The following RYR3 variants were observed in gnomAD, a reference collection of about 807,000 sequenced individuals.
The protein encoded by RYR3 is brain ryanodine receptor-calcium release channel.
In RYR3, 207 loss-of-function variants were observed where a neutral mutation model predicts 584.3. The ratio of observed to expected loss-of-function variants is 0.35; its 90% CI spans 0.32 to 0.40. RYR3 has a LOEUF of 0.40. RYR3 is among the 10% of genes least tolerant of loss of function. The pLI is 1.00. For missense variants in RYR3, 5,616 were observed against 6,089.2 expected (o/e 0.92, Z 2.59); for synonymous variants, 2,416 against 2,248.5 (o/e 1.07, Z -2.11).
Position 33,801,924 on chromosome 15 carries a change from C to T in RYR3, c.9974C>T (p.Ala3325Val). Residue 3325 changes from alanine (A) to valine (V), a missense_variant, in exon 69 of 104, where the codon GCA becomes GTA. By Grantham distance (64) the Ala-to-Val change is moderately conservative. Around this residue, in one of 9 missense-constraint regions of RYR3, gnomAD observed 954 missense variants for 1,132.2 expected, o/e 0.84. Transcript: ENST00000634891. Reference sequence around the variant, plus strand: ...ATTCAGAATGAAATTAATAATTTGGCATTTTTAACTGGAGACAGCAAAAGC... The same window carrying T: ...ATTCAGAATGAAATTAATAATTTGGTATTTTTAACTGGAGACAGCAAAAGC... ...FVIQNEINNL[A>V]FLTGDSKSKM... 2 of 1,591,046 alleles carry T rather than the reference C, an allele frequency of 1.3e-6. No individual in the cohort carries two copies. The highest frequency in any genetic ancestry group is 1.7e-6 in the Non-Finnish European group (2 of 1,166,602).
chr15:33,678,733 A>G (rs770456029), intron 38 of RYR3, among the ~76,000 whole-genome samples: 5 of 152,174 alleles, frequency 3.3e-5, no homozygotes, highest in Admixed American at 1.3e-4. Flanking sequence ...CCAGCCCTAT[A>G]CCATCACGCG....
At chr15:33,759,178 G>A (rs1202781567) in intron 60 of RYR3, among the ~76,000 whole-genome samples, 3 of 152,182 alleles carry the variant, frequency 2.0e-5, no homozygotes, top group Admixed American at 1.3e-4. Context: ...ATAAATCCAC[G>A]AAGATGGGGA....
Position 33,811,013 on chromosome 15 carries a change from G to C in RYR3, c.10233G>C (p.Arg3411=), listed in dbSNP as rs1362857721. Residue 3411 remains arginine, a synonymous_variant, in exon 72 of 104, where the codon CGG becomes CGC. Transcript: ENST00000634891. ...DTDEEVREHL[R]NNLHLQEKSD... is the part of the protein sequence containing the mutation. ...ATGAAGAGGTCAGAGAACATCTGCGGAACAACTTGCACTTGCAGGAAAAGG... is the reference window on the plus strand; with the variant it reads ...ATGAAGAGGTCAGAGAACATCTGCGCAACAACTTGCACTTGCAGGAAAAGG... 6.2e-7 allele frequency: 1 copy of C among 1,609,190 alleles called. No individual in the cohort carries two copies. Among genetic ancestry groups the C allele is most frequent in the African/African-American group, 1.3e-5 (1 of 74,826 alleles).
chr15:33,763,892 CAAAAAAAA>C (rs796878162), intron 60 of RYR3, among the ~76,000 whole-genome samples: 4 of 45,870 alleles, frequency 8.7e-5, no homozygotes, highest in African/African-American at 2.7e-4. Context: ...GACTTCATCT[CAAAAAAAA>C]AAAAAAAAAA....
intron 1 of RYR3, among the ~76,000 whole-genome samples, chr15:33,411,771 T>C (rs960069899): frequency 2.1e-4 from 32 of 152,178 alleles, no homozygotes; most frequent in African/African-American, 7.7e-4. Context: ...CATGGTCCTG[T>C]GCTGGTCTCC....
chr15:33,841,192 G>T (rs2078340732), intron 90 of RYR3, among the ~76,000 whole-genome samples: 1 of 151,884 alleles, frequency 6.6e-6, no homozygotes, highest in African/African-American at 2.4e-5. Context: ...ACTCCAAGCT[G>T]GGCAGCAGAG....
intron 60 of RYR3, among the ~76,000 whole-genome samples, chr15:33,761,320 T>C: frequency 6.6e-6 from 1 of 152,168 alleles, no homozygotes; most frequent in East Asian, 1.9e-4. Flanking sequence ...CAGGAGCTGT[T>C]TTTTTGAAAA....
chr15:33,359,421 T>A (rs540940385), intron 1 of RYR3, among the ~76,000 whole-genome samples: 1 of 152,202 alleles, frequency 6.6e-6, no homozygotes, highest in South Asian at 2.1e-4. Context: ...TTCCCTGCTG[T>A]TTCTCAACTG....
chr15:33,520,312 A>T (rs2053884206), intron 3 of RYR3, among the ~76,000 whole-genome samples: 1 of 152,198 alleles, frequency 6.6e-6, no homozygotes, highest in Non-Finnish European at 1.5e-5. Flanking sequence ...TTTCACGTCA[A>T]GGTAATCGGA....
Position 33,820,350 on chromosome 15 carries a change from G to A in RYR3, c.10759-406G>A, listed in dbSNP as rs113833241. Reference sequence around the variant, plus strand: ...CCACAGGGCCCCAGTGGGAAGAGGCGCTTTAGGATTCACATCCTAGGTGAT... The same window carrying A: ...CCACAGGGCCCCAGTGGGAAGAGGCACTTTAGGATTCACATCCTAGGTGAT... On this transcript the variant is annotated intron_variant, in intron 77 of 103. Coordinates refer to ENST00000634891, the MANE Select transcript of RYR3 (RefSeq NM_001036.6). Among the ~76,000 whole-genome samples, 355 of 152,286 alleles carry A rather than the reference G, an allele frequency of 2.3e-3. 2 individuals are homozygous for A. Among genetic ancestry groups the A allele is most frequent in the Middle Eastern group, 3.4e-3 (1 of 294 alleles).
chr15:33,364,062 C>G (rs895993587), intron 1 of RYR3, among the ~76,000 whole-genome samples: 1 of 152,056 alleles, frequency 6.6e-6, no homozygotes, highest in Non-Finnish European at 1.5e-5. Context: ...GAAAGATAGT[C>G]CAGGTTTCAA....
rs1485338887 is a variant in RYR3 at position 33,805,052 on chromosome 15, G to A, written c.10012-2503G>A. ...GTCAAAGCAGATTTTGCTTGTGAGA[G>A]CTCATTGTATATTTTGTGTATATAA... On this transcript the variant is annotated intron_variant, in intron 69 of 103. Coordinates refer to ENST00000634891, the MANE Select transcript of RYR3 (RefSeq NM_001036.6). Among the ~76,000 whole-genome samples the A allele has an allele frequency of 2.6e-5, 4 of 152,186 alleles. No homozygotes were observed. The East Asian group carries it at 7.7e-4, about 29-fold the overall frequency.
At chr15:33,363,159 G>T (rs1485866574) in intron 1 of RYR3, among the ~76,000 whole-genome samples, 1 of 152,178 alleles carries the variant, frequency 6.6e-6, no homozygotes, top group East Asian at 1.9e-4. Flanking sequence ...TTGGGTAGAG[G>T]AGAGAAAGCA....
chr15:33,351,627 T>C (rs1312809419), intron 1 of RYR3, among the ~76,000 whole-genome samples: 15 of 148,106 alleles, frequency 1.0e-4, no homozygotes, highest in African/African-American at 3.7e-4. Flanking sequence ...ATAAATGTAA[T>C]CCAGCATATA....
At chr15:33,376,640 G>A (rs544270217) in intron 1 of RYR3, among the ~76,000 whole-genome samples, 47 of 152,344 alleles carry the variant, frequency 3.1e-4, no homozygotes, top group African/African-American at 1.1e-3. Context: ...GCAGCGGCGG[G>A]AATGGGGTCT....
intron 12 of RYR3, among the ~76,000 whole-genome samples, chr15:33,579,511 A>G (rs73386584): frequency 0.015 from 2,339 of 152,228 alleles, 63 homozygotes; most frequent in African/African-American, 0.054. Context: ...TATTTTTTCT[A>G]AATGTTTTTA....
At chr15:33,424,235 C>T (rs891786712) in intron 1 of RYR3, among the ~76,000 whole-genome samples, 2 of 152,188 alleles carry the variant, frequency 1.3e-5, no homozygotes, top group African/African-American at 2.4e-5. Context: ...TCTCAGTGAA[C>T]ACCTGTTTCT....
intron 74 of RYR3, chr15:33,815,887 AG>A (rs2076789190): frequency 2.5e-6 from 1 of 398,592 alleles, no homozygotes; most frequent in Non-Finnish European, 4.4e-6. Context: ...TGGCTGGAAA[AG>A]GTTAATGAAA....
At chr15:33,611,176 T>C (rs1468441723) in intron 18 of RYR3, among the ~76,000 whole-genome samples, 1 of 150,790 alleles carries the variant, frequency 6.6e-6, no homozygotes, top group Admixed American at 6.6e-5. Context: ...AAATTTCTAA[T>C]GAATATTGTA....
Sources: gnomAD v4.1 joint callset for allele counts (sites outside exome capture counted in the v4.1 genomes callset) on GRCh38, gnomAD v4.1.1 for gene constraint, gnomAD v4.1.1 regional missense constraint, MANE v1.5 for transcripts, NCBI Gene and HGNC (gene_info 2026-07-23, HGNC 2026-07-21) for gene names.